Variants in ZNF81 observed in about 807,000 individuals in gnomAD.
ZNF81 encodes the protein zinc finger protein 81, also known as zinc finger protein 81 (HFZ20).
In ZNF81, 5 loss-of-function variants were observed where a neutral mutation model predicts 32.3. The ratio of observed to expected loss-of-function variants is 0.15; its 90% CI spans 0.08 to 0.33. The LOEUF (loss-of-function observed/expected upper bound fraction) is 0.33. Among genes scored for constraint, ZNF81 ranks in the 10% least tolerant of loss-of-function variants. The pLI is 1.00. For missense variants in ZNF81, 379 were observed against 479.8 expected (o/e 0.79, Z 1.96); for synonymous variants, 163 against 166.8 (o/e 0.98, Z 0.17).
chrX:47,909,932 A>T (rs2058733927), intron 4 of ZNF81, among the ~76,000 whole-genome samples: 1 of 111,072 alleles, frequency 9.0e-6, no homozygotes. Flanking sequence ...TACAAAGGAC[A>T]TGAACTCATC....
Position 47,922,295 on chromosome X carries a change from A to T in ZNF81, c.*5663A>T, listed in dbSNP as rs1169757025. The T allele has an allele frequency of 8.9e-6, 1 of 112,150 alleles. No individual in the cohort carries two copies. Among genetic ancestry groups the T allele is most frequent in the African/African-American group, 3.2e-5 (1 of 30,816 alleles). The allele number at this position is 112,150 out of a possible 1,213,427, so 9.2% of individuals were successfully genotyped here. On this transcript the variant is annotated 3_prime_UTR_variant, in exon 5 of 5. Transcript: ENST00000338637. ...TGCTTGTAATCAGAAGTTATATAAG[A>T]TTGTTTCCTCCTTTGATTTTCAAAA...
chrX:47,905,315 A>T (rs1603206967), intron 4 of ZNF81, among the ~76,000 whole-genome samples: 1 of 104,788 alleles, frequency 9.5e-6, no homozygotes, highest in African/African-American at 3.5e-5. Flanking sequence ...AGAGGCTGAG[A>T]CAGGAGAATC....
At chrX:47,848,359 T>C (rs1378118979) in intron 2 of ZNF81, among the ~76,000 whole-genome samples, 1 of 112,173 alleles carries the variant, frequency 8.9e-6, no homozygotes, top group Non-Finnish European at 1.9e-5. Context: ...TTTGCTTTAC[T>C]GATTTCCATT....
chrX:47,859,096 A>C (rs2058529218), intron 2 of ZNF81, among the ~76,000 whole-genome samples: 1 of 110,485 alleles, frequency 9.1e-6, no homozygotes, highest in South Asian at 3.7e-4. Context: ...CCGTCTCAAA[A>C]AAAAAAAAAG....
At chrX:47,843,532 AT>A (rs1218170087) in intron 1 of ZNF81, among the ~76,000 whole-genome samples, 2 of 103,032 alleles carry the variant, frequency 1.9e-5, no homozygotes, top group African/African-American at 7.1e-5. Flanking sequence ...CCATTTGTTT[AT>A]TTTTTTTGAG....
At chrX:47,869,319 A>G (rs1556883619) in intron 2 of ZNF81, among the ~76,000 whole-genome samples, 1 of 112,145 alleles carries the variant, frequency 8.9e-6, no homozygotes, top group Non-Finnish European at 1.9e-5. Context: ...AGTCCAGATC[A>G]TGTGTATTCT....
chrX:47,903,946 A>C (rs1556888533), intron 4 of ZNF81, among the ~76,000 whole-genome samples: 1 of 109,205 alleles, frequency 9.2e-6, no homozygotes, highest in Non-Finnish European at 1.9e-5. Flanking sequence ...ACCTGAGAAA[A>C]ACAAGCAATG....
Position 47,919,852 on chromosome X carries a change from C to G in ZNF81, c.*3220C>G, listed in dbSNP as rs1198500213. 1.8e-5 allele frequency: 2 copies of G among 111,594 alleles called. No homozygotes were observed. The highest frequency in any genetic ancestry group is 6.5e-5 in the African/African-American group (2 of 30,628). The allele number at this position is 111,594 out of a possible 1,213,427, so 9.2% of individuals were successfully genotyped here. A position where few individuals can be genotyped will look rare whatever the true frequency, so the allele number is the denominator to read the frequency against. ...ATGCAATCATTCAGCCCATAATACC[C>G]TCTAACATATTAATCATAGTTATTT... On this transcript the variant is annotated 3_prime_UTR_variant, in exon 5 of 5. Transcript: ENST00000338637.
intron 1 of ZNF81, chrX:47,841,012 G>A (rs1283221670): frequency 7.2e-6 from 6 of 836,841 alleles, no homozygotes; most frequent in Non-Finnish European, 1.0e-5. Flanking sequence ...CCGATAGCCA[G>A]GTGTGCCCGT....
At chrX:47,874,119 G>T (rs2058590671) in intron 2 of ZNF81, among the ~76,000 whole-genome samples, 1 of 112,239 alleles carries the variant, frequency 8.9e-6, no homozygotes, top group African/African-American at 3.2e-5. Flanking sequence ...CCCTGGATTT[G>T]CACTGGTAAA....
chrX:47,869,978 A>G (rs1373067280), intron 2 of ZNF81, among the ~76,000 whole-genome samples: 2 of 111,706 alleles, frequency 1.8e-5, no homozygotes, highest in African/African-American at 6.5e-5. Context: ...TACAAGACTG[A>G]GCCACCACAC....
At chrX:47,896,026 T>C (rs782526162) in intron 4 of ZNF81, 86 bp downstream of exon 4, 201 of 718,091 alleles carry the variant, frequency 2.8e-4, no homozygotes, top group Non-Finnish European at 3.5e-4. Context: ...AATGCTGTTA[T>C]TGCTTAAAGG....
Position 47,917,315 on chromosome X carries a change from G to C in ZNF81, c.*683G>C, listed in dbSNP as rs1280913003. 3 of 295,141 alleles carry C rather than the reference G, an allele frequency of 1.0e-5. No individual in the cohort carries two copies. The Admixed American group carries it at 1.9e-4, about 18-fold the overall frequency. 24.3% of individuals were successfully genotyped at this position (295,141 alleles called of 1,213,427 possible). On this transcript the variant is annotated 3_prime_UTR_variant, in exon 5 of 5. Transcript: ENST00000338637. ...ACACACAAATATAATCCTGTCATTCGTACTGGTTTCCATGACATAGTATCT... is the reference window on the plus strand; with the variant it reads ...ACACACAAATATAATCCTGTCATTCCTACTGGTTTCCATGACATAGTATCT...
Position 47,902,989 on chromosome X carries a change from T to G in ZNF81, c.277+7049T>G, listed in dbSNP as rs376065225. Among the ~76,000 whole-genome samples the G allele has an allele frequency of 3.8e-4, 42 of 111,910 alleles. No individual in the cohort carries two copies. The East Asian group carries it at 8.4e-3, about 22-fold the overall frequency. On this transcript the variant is annotated intron_variant, in intron 4 of 4. Coordinates refer to ENST00000338637, the MANE Select transcript of ZNF81 (RefSeq NM_007137.5). Reference sequence around the variant, plus strand: ...GATTATCTCAATAGATGCAGAAAAGTCCTTTGACAAAATTCAACAACCCTT... The same window carrying G: ...GATTATCTCAATAGATGCAGAAAAGGCCTTTGACAAAATTCAACAACCCTT...
intron 2 of ZNF81, among the ~76,000 whole-genome samples, chrX:47,871,700 G>A (rs782123679): frequency 3.6e-5 from 4 of 111,743 alleles, no homozygotes; most frequent in Non-Finnish European, 5.6e-5. Context: ...ATAGTGCACC[G>A]ATAAATGCTG....
Position 47,916,736 on chromosome X carries a change from T to C in ZNF81, c.*104T>C, listed in dbSNP as rs1177482686. 1.8e-5 allele frequency: 16 copies of C among 888,248 alleles called. No homozygotes were observed. Among genetic ancestry groups the C allele is most frequent in the Non-Finnish European group, 2.4e-5 (16 of 662,390 alleles). 73.2% of individuals were successfully genotyped at this position (888,248 alleles called of 1,213,427 possible). A position where few individuals can be genotyped will look rare whatever the true frequency, so the allele number is the denominator to read the frequency against. On this transcript the variant is annotated 3_prime_UTR_variant, in exon 5 of 5. Coordinates refer to ENST00000338637, the MANE Select transcript of ZNF81 (RefSeq NM_007137.5). ...CCAAGACAGATCCTATATGAATACA[T>C]TGTATAAGGAAAAGCATCAGGCTAT...
intron 4 of ZNF81, among the ~76,000 whole-genome samples, chrX:47,907,987 T>C (rs1447525756): frequency 6.3e-5 from 7 of 111,729 alleles, no homozygotes; most frequent in Non-Finnish European, 1.3e-4. Context: ...AATACCAATA[T>C]TATTCATGTT....
chrX:47,862,597 A>G (rs782814487), intron 2 of ZNF81, among the ~76,000 whole-genome samples: 15 of 111,833 alleles, frequency 1.3e-4, no homozygotes, highest in Non-Finnish European at 2.4e-4. Context: ...GTGTTGTTTA[A>G]AACTGAGGGG....
chrX:47,857,649 C>T lies in ZNF81; in HGVS notation c.54+11328C>T, dbSNP rs142349949. On this transcript the variant is annotated intron_variant, in intron 2 of 4. Transcript: ENST00000338637. The stretch of plus-strand genomic sequence containing the variant: ...TTCCTATCACATCACTTTTCCCCTT[C>T]TATGCTGGGCCATTCTCACAAGCAT... 4.5e-3 allele frequency among the ~76,000 whole-genome samples: 498 copies of T among 111,318 alleles called. 1 individual carries two copies. Among genetic ancestry groups the T allele is most frequent in the Middle Eastern group, 0.041 (9 of 218 alleles).
Sources: gnomAD v4.1 joint callset for allele counts (sites outside exome capture counted in the v4.1 genomes callset) on GRCh38, gnomAD v4.1.1 for gene constraint, MANE v1.5 for transcripts, NCBI Gene and HGNC (gene_info 2026-07-23, HGNC 2026-07-21) for gene names.